Variants in NAPG observed in about 807,000 individuals in gnomAD.
The protein encoded by NAPG is NSF attachment protein gamma.
In NAPG, 25 loss-of-function variants were observed where a neutral mutation model predicts 48.4. That is an observed-to-expected ratio of 0.52 (90% CI 0.38 to 0.72). NAPG has a LOEUF of 0.72. Ranked by LOEUF, NAPG falls within the 30% of genes least tolerant of loss-of-function variation. The pLI is 0.00. For synonymous variants in NAPG, 139 were observed against 127.2 expected, an observed-to-expected ratio of 1.09 and a Z score of -0.62; for missense variants, 359 against 372.5, an observed-to-expected ratio of 0.96 and a Z score of 0.30.
At chr18:10,533,003 T>C (rs1323831230) in intron 3 of NAPG, 2 of 459,428 alleles carry the variant, frequency 4.4e-6, no homozygotes, top group Non-Finnish European at 7.7e-6. Flanking sequence ...AGAGCTACAA[T>C]ACTTACTTTC....
rs2032191192 is a variant in NAPG, at chr18:10,543,154, A to G, written c.506+2755A>G. ...CCATCTCAAAAAAAAAAAAAAAGAA[A>G]AGAAAAGAAAAAAAGACCTTTCCAG... On this transcript the variant is annotated intron_variant, in intron 8 of 11. Transcript: ENST00000322897. The surrounding 1 kb of genome is among the most constrained non-coding windows in gnomAD (Gnocchi z 4.4). 6.6e-6 allele frequency among the ~76,000 whole-genome samples: 1 copy of G among 152,002 alleles called. No homozygotes were observed.
chr18:10,532,670 T>G (rs759295707), intron 2 of NAPG, 41 bp from the exon 3 acceptor site: 4 of 1,474,414 alleles, frequency 2.7e-6, no homozygotes, highest in Non-Finnish European at 3.7e-6. Flanking sequence ...TCATTTGAGG[T>G]TTTTAATGAT....
chr18:10,539,505 C>A lies in NAPG; in HGVS notation c.259-257C>A. The A allele has an allele frequency of 2.7e-6, 1 of 376,986 alleles. No homozygotes were observed. Among genetic ancestry groups the A allele is most frequent in the Non-Finnish European group, 4.9e-6 (1 of 202,528 alleles). 23.4% of individuals were successfully genotyped at this position (376,986 alleles called of 1,614,324 possible). A position where few individuals can be genotyped will look rare whatever the true frequency, so the allele number is the denominator to read the frequency against. ...GGGAGGGGAACATCACACTCCTGGG[C>A]CTGTCGGGGGCTGGGGAATAAGGGG... On this transcript the variant is annotated intron_variant, in intron 5 of 11. Coordinates refer to ENST00000322897, the MANE Select transcript of NAPG (RefSeq NM_003826.3). The surrounding 1 kb of genome is among the most constrained non-coding windows in gnomAD (Gnocchi z 4.7).
chr18:10,541,592 A>C (rs1166169969), intron 8 of NAPG, among the ~76,000 whole-genome samples: 1 of 152,160 alleles, frequency 6.6e-6, no homozygotes, highest in African/African-American at 2.4e-5. Context: ...TGTCTTAGAA[A>C]CAGTGTCCTT....
Position 10,534,533 on chromosome 18 carries a change from A to G in NAPG, c.258+37A>G, listed in dbSNP as rs2031994110. 1 of 1,597,890 alleles carries G rather than the reference A, an allele frequency of 6.3e-7. No individual in the cohort carries two copies. The highest frequency in any genetic ancestry group is 2.2e-5 in the East Asian group (1 of 44,686). The stretch of plus-strand genomic sequence containing the variant: ...TATGTCACAATTGTTGTGTAGGTAA[A>G]ATGAATTAACTACAAGGTGTTAAAC... On this transcript the variant is annotated intron_variant, in intron 5 of 11. Transcript: ENST00000322897. The surrounding 1 kb of genome is among the most constrained non-coding windows in gnomAD (Gnocchi z 5.0).
At chr18:10,541,239 T>G (rs886169939) in intron 8 of NAPG, among the ~76,000 whole-genome samples, 4 of 152,206 alleles carry the variant, frequency 2.6e-5, no homozygotes, top group African/African-American at 9.6e-5. Flanking sequence ...TTAGATTAAT[T>G]TGTTTATAGG....
At position 10,544,002 on chromosome 18, in the gene NAPG, G is replaced by A. The variant is rs555332946; in HGVS notation, c.507-2324G>A. On this transcript the variant is annotated intron_variant, in intron 8 of 11. Coordinates refer to ENST00000322897, the MANE Select transcript of NAPG (RefSeq NM_003826.3). This position sits in a 1 kb window ranked among gnomAD's most constrained non-coding sequence, Gnocchi z 5.1. ...TGTCAAGGAAATAAACAGTTTATGC[G>A]TAAAGAATGCACCCTTTATAGTTAA... Among the ~76,000 whole-genome samples the A allele has an allele frequency of 2.0e-5, 3 of 152,266 alleles. No homozygotes were observed. Among genetic ancestry groups the A allele is most frequent in the African/African-American group, 4.8e-5 (2 of 41,552 alleles).
At chr18:10,538,334 C>G (rs1431399712) in intron 5 of NAPG, among the ~76,000 whole-genome samples, 1 of 152,122 alleles carries the variant, frequency 6.6e-6, no homozygotes, top group Admixed American at 6.5e-5. Flanking sequence ...ACAGTGCTGC[C>G]CAGCCCCAGC....
At chr18:10,538,121 A>T (rs1359307673) in intron 5 of NAPG, among the ~76,000 whole-genome samples, 1 of 152,118 alleles carries the variant, frequency 6.6e-6, no homozygotes, top group Non-Finnish European at 1.5e-5. Flanking sequence ...ATTTGGAGAT[A>T]TTAGACATTA....
Sources: gnomAD v4.1 joint callset for allele counts (sites outside exome capture counted in the v4.1 genomes callset) on GRCh38, gnomAD v4.1.1 for gene constraint, Gnocchi (gnomAD v3.1) non-coding constraint, MANE v1.5 for transcripts, NCBI Gene and HGNC (gene_info 2026-07-23, HGNC 2026-07-21) for gene names.